Variants in MAP3K20 observed in about 807,000 individuals in gnomAD.
The protein encoded by MAP3K20 is mitogen-activated protein kinase kinase kinase 20.
Under a neutral mutation model 85.7 loss-of-function variants are expected in MAP3K20, and 40 were observed. The ratio of observed to expected loss-of-function variants is 0.47; its 90% CI spans 0.36 to 0.61. The LOEUF (loss-of-function observed/expected upper bound fraction) is 0.61, where lower values mean the gene tolerates loss of function less well. MAP3K20 is among the 20% of genes least tolerant of loss of function. The probability of loss-of-function intolerance (pLI) is 0.00; values close to 1 mark genes in which losing one functional copy is unlikely to be tolerated. For synonymous variants in MAP3K20, 325 were observed against 327.7 expected, an observed-to-expected ratio of 0.99 and a Z score of 0.09; for missense variants, 817 against 961.7, an observed-to-expected ratio of 0.85 and a Z score of 1.99.
chr2:173,196,840 G>A (rs1047429733), intron 7 of MAP3K20, among the ~76,000 whole-genome samples: 1 of 152,064 alleles, frequency 6.6e-6, no homozygotes, highest in Non-Finnish European at 1.5e-5. Context: ...ATTCTCTCAA[G>A]TACTGTCACT....
At chr2:173,161,122 T>C (rs1225740753) in intron 2 of MAP3K20, among the ~76,000 whole-genome samples, 2 of 152,218 alleles carry the variant, frequency 1.3e-5, no homozygotes, top group Non-Finnish European at 2.9e-5. Context: ...AAACGTACAA[T>C]GCAAAGGCAA....
chr2:173,244,408 A>G (rs1386719512), intron 16 of MAP3K20, among the ~76,000 whole-genome samples: 2 of 152,196 alleles, frequency 1.3e-5, no homozygotes, highest in East Asian at 1.9e-4. Flanking sequence ...ATACATTTCT[A>G]AAGAGCTCAG....
intron 11 of MAP3K20, among the ~76,000 whole-genome samples, chr2:173,229,179 A>G (rs1468353514): frequency 2.6e-5 from 4 of 152,184 alleles, no homozygotes; most frequent in African/African-American, 9.6e-5. Flanking sequence ...GACCGTACCA[A>G]TTTCCCATGT....
rs146817934 is a variant in MAP3K20, at chr2:173,090,676, C to G, written c.-34-322C>G. On this transcript the variant is annotated intron_variant, in intron 1 of 19. Coordinates refer to ENST00000375213, the MANE Select transcript of MAP3K20 (RefSeq NM_016653.3). ...TCTGTCAGGGCTTCCTGAGAGGAGA[C>G]CTGGTGACACAGTAGCCTTTCGGCA... The G allele has an allele frequency of 3.6e-4, 366 of 1,005,524 alleles. 3 individuals are homozygous for G. The African/African-American group carries it at 5.7e-3, about 16-fold the overall frequency. 62.3% of individuals were successfully genotyped at this position (1,005,524 alleles called of 1,614,324 possible).
intron 1 of MAP3K20, among the ~76,000 whole-genome samples, chr2:173,081,099 A>T (rs1019883579): frequency 6.6e-6 from 1 of 152,172 alleles, no homozygotes; most frequent in Non-Finnish European, 1.5e-5. Context: ...TAATCTTAAA[A>T]ATTTATGTGG....
At chr2:173,223,433 GGC>G (rs1684305227) in intron 11 of MAP3K20, 1 of 981,476 alleles carries the variant, frequency 1.0e-6, no homozygotes, top group African/African-American at 1.8e-5. Flanking sequence ...CACGGAAAGT[GGC>G]TAATGTTAGC....
At chr2:173,235,606 G>A (rs1307298158) in intron 14 of MAP3K20, among the ~76,000 whole-genome samples, 2 of 152,196 alleles carry the variant, frequency 1.3e-5, no homozygotes, top group African/African-American at 4.8e-5. Flanking sequence ...TGCCTAATGG[G>A]AGTAGAGCCC....
intron 14 of MAP3K20, among the ~76,000 whole-genome samples, chr2:173,237,663 A>G (rs1001676815): frequency 6.6e-6 from 1 of 152,152 alleles, no homozygotes; most frequent in African/African-American, 2.4e-5. Context: ...GATGTTGGAC[A>G]CATATCCAAA....
At chr2:173,146,869 T>C (rs1689153748) in intron 2 of MAP3K20, among the ~76,000 whole-genome samples, 1 of 152,224 alleles carries the variant, frequency 6.6e-6, no homozygotes. Context: ...CAACACTTGT[T>C]ATTCTCTGTC....
intron 2 of MAP3K20, among the ~76,000 whole-genome samples, chr2:173,160,800 G>C (rs1000596092): frequency 6.6e-6 from 1 of 152,164 alleles, no homozygotes; most frequent in Non-Finnish European, 1.5e-5. Context: ...GGAGACCCTG[G>C]TTCTTTTGTT....
chr2:173,243,753 G>T (rs781698200), intron 16 of MAP3K20, among the ~76,000 whole-genome samples: 29 of 152,128 alleles, frequency 1.9e-4, no homozygotes, highest in Non-Finnish European at 3.5e-4. Context: ...GAATAGCTGG[G>T]ACTACAACTA....
At chr2:173,235,437 G>A (rs1351840236) in intron 14 of MAP3K20, among the ~76,000 whole-genome samples, 1 of 152,194 alleles carries the variant, frequency 6.6e-6, no homozygotes, top group Non-Finnish European at 1.5e-5. Context: ...ACACTGATAT[G>A]TGTGGCAGCA....
At position 173,217,265 on chromosome 2, in the gene MAP3K20, C is replaced by T. The variant is rs201555790; in HGVS notation, c.987+15C>T. The T allele has an allele frequency of 2.9e-5, 44 of 1,528,840 alleles. No individual in the cohort carries two copies. The African/African-American group carries it at 3.1e-4, about 11-fold the overall frequency. The allele number at this position is 1,528,840 out of a possible 1,614,324, so 94.7% of individuals were successfully genotyped here. ...CCAACACCCCGGTGAGTACCCTCCC[C>T]CTTCGCCGTCTTTCCACATGCGGCT... On this transcript the variant is annotated intron_variant, in intron 11 of 19. Transcript: ENST00000375213.
intron 2 of MAP3K20, among the ~76,000 whole-genome samples, chr2:173,159,403 T>TG (rs1689581610): frequency 3.1e-5 from 1 of 32,644 alleles, no homozygotes; most frequent in Non-Finnish European, 1.4e-4. Flanking sequence ...TCCTTCCTTC[T>TG]TTTTTTTTTT....
At chr2:173,138,068 A>G (rs1688847015) in intron 2 of MAP3K20, among the ~76,000 whole-genome samples, 1 of 152,110 alleles carries the variant, frequency 6.6e-6, no homozygotes, top group Non-Finnish European at 1.5e-5. Flanking sequence ...CACAGGTTCA[A>G]GCAATTCTCC....
At chr2:173,159,116 T>C (rs1464434055) in intron 2 of MAP3K20, among the ~76,000 whole-genome samples, 3 of 152,194 alleles carry the variant, frequency 2.0e-5, no homozygotes, top group Non-Finnish European at 4.4e-5. Flanking sequence ...CAGAATTAAA[T>C]TTTTACTCAC....
chr2:173,259,146 T>C (rs1388879550), intron 17 of MAP3K20, among the ~76,000 whole-genome samples: 1 of 152,220 alleles, frequency 6.6e-6, no homozygotes, highest in African/African-American at 2.4e-5. Context: ...CTTCAAATTT[T>C]GACTATTTAA....
At chr2:173,247,166 A>G (rs1261100111) in intron 16 of MAP3K20, among the ~76,000 whole-genome samples, 2 of 152,156 alleles carry the variant, frequency 1.3e-5, no homozygotes, top group Admixed American at 6.5e-5. Flanking sequence ...CTGCTTTTCC[A>G]GCCATGTCAT....
chr2:173,100,902 A>G (rs1329801616), intron 2 of MAP3K20, among the ~76,000 whole-genome samples: 2 of 152,242 alleles, frequency 1.3e-5, no homozygotes, highest in Non-Finnish European at 2.9e-5. Flanking sequence ...TTGAATAGCC[A>G]TCCATCACTC....
Sources: gnomAD v4.1 joint callset for allele counts (sites outside exome capture counted in the v4.1 genomes callset) on GRCh38, gnomAD v4.1.1 for gene constraint, MANE v1.5 for transcripts, NCBI Gene and HGNC (gene_info 2026-07-23, HGNC 2026-07-21) for gene names.